TTC27: variants seen among roughly 807,000 people sequenced by gnomAD.
The protein encoded by TTC27 is tetratricopeptide repeat domain 27.
TTC27 carries 79 observed loss-of-function variants against 115.9 expected under a neutral mutation model. The observed-to-expected ratio is 0.68, with a 90% CI of 0.57 to 0.82. The LOEUF (loss-of-function observed/expected upper bound fraction) is 0.82. Ranked by LOEUF, TTC27 falls within the 40% of genes least tolerant of loss-of-function variation. The pLI, the probability that TTC27 is intolerant of heterozygous loss-of-function variation, is 0.00. For missense variants in TTC27, 1,054 were observed against 993.1 expected, an observed-to-expected ratio of 1.06 and a Z score of -0.82; for synonymous variants, 401 against 356.0, an observed-to-expected ratio of 1.13 and a Z score of -1.42.
intron 13 of TTC27, among the ~76,000 whole-genome samples, chr2:32,762,276 A>T (rs1165332835): frequency 2.2e-5 from 3 of 136,236 alleles, no homozygotes; most frequent in Non-Finnish European, 4.7e-5. Context: ...CACAGAGAGA[A>T]GTGTGTGTGT....
At position 32,758,563 on chromosome 2, in the gene TTC27, G is replaced by A. The variant is rs562390012; in HGVS notation, c.1680+44G>A. 10 of 1,572,458 alleles carry A rather than the reference G, an allele frequency of 6.4e-6. No individual in the cohort carries two copies. The South Asian group carries it at 1.1e-4, about 18-fold the overall frequency. The stretch of plus-strand genomic sequence containing the variant: ...CCCTGCTGCTCTCAGCGCTTGTGCT[G>A]TTCTTTGGATTTGATCTTACAGAAT... On this transcript the variant is annotated intron_variant, in intron 13 of 19. Transcript: ENST00000317907.
chr2:32,759,404 CTT>C (rs561161239), intron 13 of TTC27, among the ~76,000 whole-genome samples: 159 of 152,254 alleles, frequency 1.0e-3, no homozygotes, highest in African/African-American at 3.5e-3. Flanking sequence ...CCTACACTGT[CTT>C]TTTTTCTTTA....
At chr2:32,785,191 G>A (rs1014977586) in intron 15 of TTC27, among the ~76,000 whole-genome samples, 1 of 152,126 alleles carries the variant, frequency 6.6e-6, no homozygotes, top group Non-Finnish European at 1.5e-5. Context: ...TACTGCTGAT[G>A]AAATAAACAT....
intron 13 of TTC27, among the ~76,000 whole-genome samples, chr2:32,775,855 T>A (rs1669981155): frequency 2.0e-5 from 3 of 152,216 alleles, no homozygotes; most frequent in Admixed American, 2.0e-4. Flanking sequence ...ATTTTGAAAC[T>A]TTTTACTTGG....
chr2:32,704,739 CTAGT>C (rs1667308647), intron 10 of TTC27: 1 of 399,450 alleles, frequency 2.5e-6, no homozygotes, highest in Admixed American at 3.0e-5. Context: ...AGATTATGGG[CTAGT>C]TATTTTGGAG....
chr2:32,694,691 T>TC (rs771193796), intron 9 of TTC27, among the ~76,000 whole-genome samples: 8 of 150,716 alleles, frequency 5.3e-5, no homozygotes, highest in East Asian at 2.0e-4. Flanking sequence ...TTTTTTTTTT[T>TC]CCACAAGGTT....
At chr2:32,760,832 G>A (rs1279763451) in intron 13 of TTC27, among the ~76,000 whole-genome samples, 1 of 152,152 alleles carries the variant, frequency 6.6e-6, no homozygotes, top group Non-Finnish European at 1.5e-5. Context: ...GCAGCGCACA[G>A]TCTGTTCTCA....
At chr2:32,783,301 G>T (rs1670243966) in intron 15 of TTC27, among the ~76,000 whole-genome samples, 1 of 152,166 alleles carries the variant, frequency 6.6e-6, no homozygotes, top group Admixed American at 6.5e-5. Context: ...CTGAGAGAAT[G>T]TTGGACTCAA....
chr2:32,628,428 G>A, intron 1 of TTC27, 48 bp downstream of exon 1: 2 of 1,474,526 alleles, frequency 1.4e-6, no homozygotes, highest in Non-Finnish European at 1.8e-6. Flanking sequence ...GAACTGTGAG[G>A]AAAAGGGATG....
intron 5 of TTC27, 66 bp downstream of exon 5, chr2:32,650,299 C>A: frequency 8.9e-7 from 1 of 1,126,086 alleles, no homozygotes; most frequent in South Asian, 1.7e-5. Context: ...CTGAGATACT[C>A]CTTTTTAGTT....
chr2:32,699,165 T>G (rs543421813), intron 9 of TTC27, among the ~76,000 whole-genome samples: 7 of 152,312 alleles, frequency 4.6e-5, no homozygotes, highest in Admixed American at 4.6e-4. Flanking sequence ...AGGAATCAAA[T>G]AGCTGGGACT....
intron 10 of TTC27, among the ~76,000 whole-genome samples, chr2:32,719,227 A>G (rs1433859189): frequency 6.6e-6 from 1 of 152,198 alleles, no homozygotes; most frequent in Admixed American, 6.5e-5. Context: ...AGTGAACTAA[A>G]CAATGTATGA....
At chr2:32,628,532 G>A (rs191020494) in intron 1 of TTC27, 152 bp downstream of exon 1, 44 of 748,416 alleles carry the variant, frequency 5.9e-5, no homozygotes, top group Non-Finnish European at 6.1e-6. Context: ...TGACATGGTG[G>A]GCGTGGTCCT....
intron 13 of TTC27, among the ~76,000 whole-genome samples, chr2:32,774,797 T>C (rs867789229): frequency 2.0e-5 from 3 of 152,202 alleles, no homozygotes; most frequent in Admixed American, 6.5e-5. Context: ...AGAAAAGCCA[T>C]TGGATGATTT....
At chr2:32,693,046 G>A (rs549976163) in intron 9 of TTC27, among the ~76,000 whole-genome samples, 2 of 151,934 alleles carry the variant, frequency 1.3e-5, no homozygotes, top group South Asian at 2.1e-4. Flanking sequence ...GGAGTGATAC[G>A]TCTTGTTCGT....
intron 12 of TTC27, among the ~76,000 whole-genome samples, chr2:32,755,498 A>T (rs1258964305): frequency 6.6e-6 from 1 of 152,182 alleles, no homozygotes; most frequent in Non-Finnish European, 1.5e-5. Flanking sequence ...CAGGAGAATC[A>T]GGCAGGGAGG....
intron 12 of TTC27, among the ~76,000 whole-genome samples, chr2:32,751,021 T>G (rs1333548340): frequency 6.6e-6 from 1 of 152,186 alleles, no homozygotes; most frequent in Non-Finnish European, 1.5e-5. Flanking sequence ...AGGACAAGCA[T>G]ACTTCTCTCT....
At chr2:32,694,353 GA>G (rs1437816060) in intron 9 of TTC27, among the ~76,000 whole-genome samples, 2 of 152,092 alleles carry the variant, frequency 1.3e-5, no homozygotes, top group South Asian at 4.1e-4. Context: ...CAGCTTTTGG[GA>G]AAAAAATTCT....
intron 16 of TTC27, among the ~76,000 whole-genome samples, chr2:32,805,207 C>T (rs745962569): frequency 3.9e-5 from 6 of 152,188 alleles, no homozygotes; most frequent in Non-Finnish European, 5.9e-5. Context: ...TGTTCATCTG[C>T]ACAATGCACA....
Sources: allele counts gnomAD v4.1 joint callset (sites outside exome capture counted in the v4.1 genomes callset), GRCh38; gene constraint gnomAD v4.1.1; transcripts MANE v1.5; gene names NCBI Gene and HGNC (gene_info 2026-07-23, HGNC 2026-07-21).